Variants in SAMD5 observed in about 807,000 individuals in gnomAD.
SAMD5 encodes the protein sterile alpha motif domain containing 5.
In SAMD5, 13 loss-of-function variants were observed where a neutral mutation model predicts 11.3. The observed-to-expected ratio is 1.15, with a 90% CI of 0.75 to 1.83. SAMD5 has a LOEUF of 1.83. Ranked by LOEUF, SAMD5 falls within the 40% of genes most tolerant of loss-of-function variation. SAMD5 has a pLI of 0.00. For synonymous variants in SAMD5, 129 were observed against 111.3 expected (o/e 1.16, Z -1.00); for missense variants, 255 against 239.1 (o/e 1.07, Z -0.44).
At chr6:147,927,520 T>C in the SAMD5 span, among the ~76,000 whole-genome samples, 1 of 152,204 alleles carries the variant, frequency 6.6e-6, no homozygotes, top group Non-Finnish European at 1.5e-5. Flanking sequence ...GTTTGTATAC[T>C]GAAACTCTGC....
At chr6:147,607,333 C>T (rs541121355) in intron 1 of SAMD5, among the ~76,000 whole-genome samples, 1 of 152,130 alleles carries the variant, frequency 6.6e-6, no homozygotes, top group Non-Finnish European at 1.5e-5. Flanking sequence ...TTAAAAAATC[C>T]TAAAATTTAC....
At chr6:147,650,337 G>T (rs2128453279) in intron 1 of SAMD5, among the ~76,000 whole-genome samples, 1 of 152,306 alleles carries the variant, frequency 6.6e-6, no homozygotes, top group South Asian at 2.1e-4. Context: ...TGGAGTTAGG[G>T]TGGCAAAGGA....
chr6:147,826,556 A>G, the SAMD5 span, among the ~76,000 whole-genome samples: 4 of 152,192 alleles, frequency 2.6e-5, no homozygotes, highest in Admixed American at 6.5e-5. Flanking sequence ...ACCAGGTCCA[A>G]TAACAAAGCA....
At chr6:147,639,103 C>T (rs981582717) in intron 1 of SAMD5, among the ~76,000 whole-genome samples, 5 of 152,034 alleles carry the variant, frequency 3.3e-5, no homozygotes, top group African/African-American at 7.2e-5. Flanking sequence ...CTGCAAATTG[C>T]GAGTACTTGG....
chr6:147,747,635 C>T, the SAMD5 span, among the ~76,000 whole-genome samples: 36 of 152,244 alleles, frequency 2.4e-4, no homozygotes, highest in Middle Eastern at 3.4e-3. Flanking sequence ...CTCAGCCTCC[C>T]GTGTAGCTGG....
At chr6:147,822,752 G>T in the SAMD5 span, among the ~76,000 whole-genome samples, 1 of 152,170 alleles carries the variant, frequency 6.6e-6, no homozygotes, top group Admixed American at 6.5e-5. Flanking sequence ...TGCAGTGAAT[G>T]TACTCCAAGT....
the SAMD5 span, among the ~76,000 whole-genome samples, chr6:147,845,739 T>C: frequency 6.6e-6 from 1 of 152,104 alleles, no homozygotes; most frequent in African/African-American, 2.4e-5. Context: ...TAACTGTTGG[T>C]GAGGATGAGG....
chr6:147,696,497 C>T (rs570577542), intron 1 of SAMD5, among the ~76,000 whole-genome samples: 1 of 152,256 alleles, frequency 6.6e-6, no homozygotes, highest in Non-Finnish European at 1.5e-5. Flanking sequence ...CCTGATAGGA[C>T]CAATGGGTCT....
chr6:147,929,089 G>T, the SAMD5 span, among the ~76,000 whole-genome samples: 1 of 151,814 alleles, frequency 6.6e-6, no homozygotes, highest in African/African-American at 2.4e-5. Context: ...CTTTTAACTA[G>T]AGCAGTCACT....
the SAMD5 span, among the ~76,000 whole-genome samples, chr6:147,773,804 T>C: frequency 6.6e-6 from 1 of 152,118 alleles, no homozygotes. Context: ...GTCTTCCCAA[T>C]GTGTTCTCAG....
intron 1 of SAMD5, among the ~76,000 whole-genome samples, chr6:147,694,306 G>A (rs192988092): frequency 3.3e-5 from 5 of 152,234 alleles, no homozygotes; most frequent in African/African-American, 1.2e-4. Context: ...ATCATCAAAG[G>A]TGATCAAGAC....
At chr6:147,794,096 A>G in the SAMD5 span, among the ~76,000 whole-genome samples, 7 of 152,316 alleles carry the variant, frequency 4.6e-5, no homozygotes, top group Middle Eastern at 3.4e-3. Flanking sequence ...CACCAGTGGG[A>G]AAAAATGCAT....
intron 1 of SAMD5, among the ~76,000 whole-genome samples, chr6:147,699,930 C>T (rs1311404085): frequency 2.0e-5 from 3 of 152,126 alleles, no homozygotes; most frequent in Admixed American, 1.3e-4. Context: ...TTAATCAAAG[C>T]AAGATTGAAA....
intron 1 of SAMD5, among the ~76,000 whole-genome samples, chr6:147,511,488 C>T (rs1788089385): frequency 6.6e-6 from 1 of 152,174 alleles, no homozygotes; most frequent in Non-Finnish European, 1.5e-5. Context: ...AAATAAATCC[C>T]ATAGCAATAA....
chr6:147,515,185 T>G (rs1788146887), intron 1 of SAMD5, among the ~76,000 whole-genome samples: 2 of 56,974 alleles, frequency 3.5e-5, no homozygotes, highest in African/African-American at 2.1e-4. Flanking sequence ...GGTTTTTTTT[T>G]TTTTTTTTTT....
At chr6:147,821,666 CA>C in the SAMD5 span, among the ~76,000 whole-genome samples, 1 of 152,202 alleles carries the variant, frequency 6.6e-6, no homozygotes, top group Admixed American at 6.5e-5. Flanking sequence ...TTGCAATTTT[CA>C]CTTTAGTTTT....
chr6:147,753,019 A>G, the SAMD5 span, among the ~76,000 whole-genome samples: 7,268 of 152,296 alleles, frequency 0.048, 256 homozygotes, highest in African/African-American at 0.1. Context: ...CTGTCAGACT[A>G]CAACAGAATT....
the SAMD5 span, among the ~76,000 whole-genome samples, chr6:147,805,738 T>C: frequency 6.6e-6 from 1 of 152,092 alleles, no homozygotes; most frequent in South Asian, 2.1e-4. Flanking sequence ...AGGAAGAGTA[T>C]TGGCTGAGAT....
intron 1 of SAMD5, among the ~76,000 whole-genome samples, chr6:147,629,952 T>TC (rs1404371481): frequency 3.3e-5 from 5 of 149,492 alleles, no homozygotes; most frequent in African/African-American, 1.2e-4. Flanking sequence ...TCTTTTCTTT[T>TC]TTTTTTTTTT....
Sources: gnomAD v4.1 joint callset for allele counts (sites outside exome capture counted in the v4.1 genomes callset) on GRCh38, gnomAD v4.1.1 for gene constraint, MANE v1.5 for transcripts, NCBI Gene and HGNC (gene_info 2026-07-23, HGNC 2026-07-21) for gene names.